RAB7B: variants seen among roughly 807,000 people sequenced by gnomAD.
RAB7B encodes the protein ras-related protein Rab-7b.
At chr1:205,985,172 G>A (rs1660567799) in intron 5 of RAB7B, among the ~76,000 whole-genome samples, 1 of 152,192 alleles carries the variant, frequency 6.6e-6, no homozygotes, top group Non-Finnish European at 1.5e-5. Context: ...TCACTTGGGT[G>A]AATGCCTGGC....
rs1558146466 is a variant in RAB7B, at chr1:205,999,731, T to A, written c.-17+3522A>T. ...ACTCTCTACATCAATTCTGATCCAT[T>A]AATACTCTGGAACAATTAGCTGTTT... On this transcript the variant is annotated intron_variant, in intron 1 of 5. Transcript: ENST00000617070. 4.6e-5 allele frequency among the ~76,000 whole-genome samples: 7 copies of A among 152,332 alleles called. 1 individual carries two copies. The South Asian group carries it at 1.2e-3, about 27-fold the overall frequency.
intron 4 of RAB7B, 112 bp from the exon 5 acceptor site, chr1:205,985,777 A>ACCAGGCCCACCACCAC (rs1660587773): frequency 5.2e-6 from 1 of 191,394 alleles, no homozygotes; most frequent in African/African-American, 6.0e-5. Context: ...CACCATCCCC[A>ACCAGGCCCACCACCAC]TCATCCCCAC....
chr1:205,977,686 C>G lies in RAB7B; in HGVS notation c.*1165G>C, dbSNP rs1233614882. 6.6e-6 allele frequency: 1 copy of G among 152,262 alleles called. No individual in the cohort carries two copies. Among genetic ancestry groups the G allele is most frequent in the Non-Finnish European group, 1.5e-5 (1 of 68,062 alleles). 9.4% of individuals were successfully genotyped at this position (152,262 alleles called of 1,614,324 possible). The stretch of plus-strand genomic sequence containing the variant: ...TATTAGGTCAATGGATGTCCTTTCA[C>G]TGTTCCTGGAACATGGCAAGCTTGT... On this transcript the variant is annotated 3_prime_UTR_variant, in exon 6 of 6. Coordinates refer to ENST00000617070, the MANE Select transcript of RAB7B (RefSeq NM_001164522.3).
chr1:205,998,921 A>G (rs919113467), intron 1 of RAB7B, among the ~76,000 whole-genome samples: 6 of 152,212 alleles, frequency 3.9e-5, no homozygotes, highest in Admixed American at 3.9e-4. Flanking sequence ...TGATACTATT[A>G]TTATCTGTTT....
chr1:205,997,932 C>T (rs1225180427), intron 1 of RAB7B, among the ~76,000 whole-genome samples: 2 of 152,234 alleles, frequency 1.3e-5, no homozygotes, highest in Non-Finnish European at 2.9e-5. Flanking sequence ...GCTAAGTATT[C>T]TACCGAGGGC....
In RAB7B at chr1:205,986,830, C is replaced by G. The variant is rs1030160494; in HGVS notation, c.397-1165G>C. Among the ~76,000 whole-genome samples the G allele has an allele frequency of 3.7e-4, 56 of 152,128 alleles. 1 individual carries two copies. Among genetic ancestry groups the G allele is most frequent in the Admixed American group, 2.8e-3 (43 of 15,276 alleles). The stretch of plus-strand genomic sequence containing the variant: ...AAGGTCTTTCTCATGGAGAAAGGAC[C>G]ATTCCACCCCTCTCCCAGAACACAG... On this transcript the variant is annotated intron_variant, in intron 4 of 5. Transcript: ENST00000617070.
Position 205,981,642 on chromosome 1 carries a change from C to T in RAB7B, c.523-2714G>A, listed in dbSNP as rs1318064663. On this transcript the variant is annotated intron_variant, in intron 5 of 5. Coordinates refer to ENST00000617070, the MANE Select transcript of RAB7B (RefSeq NM_001164522.3). ...ATGTTAACTGAACACCTACTGTGGT[C>T]TCTTTCAGAATATTAACTGAACACC... 1.8e-4 allele frequency among the ~76,000 whole-genome samples: 25 copies of T among 139,848 alleles called. 1 individual carries two copies. Among genetic ancestry groups the T allele is most frequent in the Middle Eastern group, 3.9e-3 (1 of 256 alleles). 91.7% of individuals were successfully genotyped at this position (139,848 alleles called of 152,430 possible).
chr1:205,984,118 C>T (rs1053888441), intron 5 of RAB7B: 2 of 152,306 alleles, frequency 1.3e-5, no homozygotes, highest in Non-Finnish European at 2.9e-5. Context: ...GAGCCAACTA[C>T]ACCGCCCATG....
chr1:205,978,189 A>G lies in RAB7B; in HGVS notation c.*662T>C, dbSNP rs1458879270. 1 of 152,216 alleles carries G rather than the reference A, an allele frequency of 6.6e-6. No individual in the cohort carries two copies. Among genetic ancestry groups the G allele is most frequent in the African/African-American group, 2.4e-5 (1 of 41,460 alleles). 9.4% of individuals were successfully genotyped at this position (152,216 alleles called of 1,614,324 possible). The stretch of plus-strand genomic sequence containing the variant: ...TCACCCCCACAGGACAGATAAACAA[A>G]TTGAGACTCAGAGATTTATGTGAGT... On this transcript the variant is annotated 3_prime_UTR_variant, in exon 6 of 6. Transcript: ENST00000617070.
intron 4 of RAB7B, among the ~76,000 whole-genome samples, chr1:205,986,697 C>T (rs896733890): frequency 6.6e-6 from 1 of 152,158 alleles, no homozygotes; most frequent in South Asian, 2.1e-4. Context: ...ACAATTGGTA[C>T]CCCTGAGTTT....
chr1:205,977,629 C>G lies in RAB7B; in HGVS notation c.*1222G>C, dbSNP rs1660408040. ...GAGCCACCCAAGGGAGCTGGGTCCCCTTTGCTTTGTCTTTGGGACAGCAGC... is the reference window on the plus strand; with the variant it reads ...GAGCCACCCAAGGGAGCTGGGTCCCGTTTGCTTTGTCTTTGGGACAGCAGC... On this transcript the variant is annotated 3_prime_UTR_variant, in exon 6 of 6. Coordinates refer to ENST00000617070, the MANE Select transcript of RAB7B (RefSeq NM_001164522.3). 6.6e-6 allele frequency: 1 copy of G among 152,200 alleles called. No homozygotes were observed. The highest frequency in any genetic ancestry group is 2.4e-5 in the African/African-American group (1 of 41,438). 9.4% of individuals were successfully genotyped at this position (152,200 alleles called of 1,614,324 possible). A position where few individuals can be genotyped will look rare whatever the true frequency, so the allele number is the denominator to read the frequency against.
chr1:205,993,631 G>A lies in RAB7B; in HGVS notation c.54-85C>T, dbSNP rs1175204655. The A allele has an allele frequency of 3.3e-5, 13 of 397,048 alleles. No individual in the cohort carries two copies. The Admixed American group carries it at 3.5e-4, about 11-fold the overall frequency. The allele number at this position is 397,048 out of a possible 1,614,324, so 24.6% of individuals were successfully genotyped here. On this transcript the variant is annotated intron_variant, in intron 2 of 5. Coordinates refer to ENST00000617070, the MANE Select transcript of RAB7B (RefSeq NM_001164522.3). ...CCTACCATTCTCAGAATCTTCCCAGGCCCCTCTTGCCACTGTCTCTCCCTG... is the reference window on the plus strand; with the variant it reads ...CCTACCATTCTCAGAATCTTCCCAGACCCCTCTTGCCACTGTCTCTCCCTG...
At chr1:205,989,060 C>T (rs1230193829) in intron 4 of RAB7B, among the ~76,000 whole-genome samples, 3 of 152,060 alleles carry the variant, frequency 2.0e-5, no homozygotes, top group African/African-American at 7.3e-5. Flanking sequence ...CTCCCCTATC[C>T]TATTCCACCT....
intron 4 of RAB7B, among the ~76,000 whole-genome samples, chr1:205,986,788 G>A (rs1016284040): frequency 2.0e-5 from 3 of 152,142 alleles, no homozygotes; most frequent in Non-Finnish European, 2.9e-5. Context: ...CATTATTTCA[G>A]TTTATTTAGG....
chr1:205,999,758 A>ATTAT (rs1218994162), intron 1 of RAB7B, among the ~76,000 whole-genome samples: 1 of 152,108 alleles, frequency 6.6e-6, no homozygotes, highest in Non-Finnish European at 1.5e-5. Context: ...TAGCTGTTTT[A>ATTAT]TTATTTATTT....
chr1:206,002,240 C>A lies in RAB7B; in HGVS notation c.-17+1013G>T, dbSNP rs999133656. On this transcript the variant is annotated intron_variant, in intron 1 of 5. Coordinates refer to ENST00000617070, the MANE Select transcript of RAB7B (RefSeq NM_001164522.3). ...ACAATTCCGCCTTACCCACCTCAACCCTAGCAGGTCTAGACCTGCTCCCTC... is the reference window on the plus strand; with the variant it reads ...ACAATTCCGCCTTACCCACCTCAACACTAGCAGGTCTAGACCTGCTCCCTC... 7.8e-3 allele frequency among the ~76,000 whole-genome samples: 1,185 copies of A among 152,332 alleles called. 23 individuals carry two copies. Among genetic ancestry groups the A allele is most frequent in the African/African-American group, 0.027 (1,118 of 41,556 alleles).
At chr1:205,980,310 G>A (rs978299479) in intron 5 of RAB7B, among the ~76,000 whole-genome samples, 1 of 152,212 alleles carries the variant, frequency 6.6e-6, no homozygotes, top group African/African-American at 2.4e-5. Flanking sequence ...TGCTAGTGTT[G>A]CCCTAATGAC....
intron 1 of RAB7B, among the ~76,000 whole-genome samples, chr1:205,995,755 T>C (rs998945117): frequency 6.6e-6 from 1 of 152,152 alleles, no homozygotes; most frequent in Non-Finnish European, 1.5e-5. Context: ...GGGGAGATGT[T>C]AGAGGATAAA....
intron 1 of RAB7B, among the ~76,000 whole-genome samples, chr1:205,999,429 T>C (rs1360192779): frequency 1.3e-5 from 2 of 152,224 alleles, no homozygotes; most frequent in Non-Finnish European, 2.9e-5. Context: ...ACCATTTATT[T>C]TCACCCAGTA....
Sources: gnomAD v4.1 joint callset for allele counts (sites outside exome capture counted in the v4.1 genomes callset) on GRCh38, gnomAD v4.1.1 for gene constraint, MANE v1.5 for transcripts, NCBI Gene and HGNC (gene_info 2026-07-23, HGNC 2026-07-21) for gene names.